The following KLHDC10 variants were observed in gnomAD, a reference collection of about 807,000 sequenced individuals.
The protein encoded by KLHDC10 is kelch domain containing 10.
In KLHDC10, 24 loss-of-function variants were observed where a neutral mutation model predicts 56.1. That is an observed-to-expected ratio of 0.43 (90% CI 0.31 to 0.60). KLHDC10 has a LOEUF of 0.60. KLHDC10 is among the 20% of genes least tolerant of loss of function. The pLI is 0.11. For missense variants in KLHDC10, 349 were observed against 567.0 expected (o/e 0.62, Z 3.91); for synonymous variants, 188 against 207.1 (o/e 0.91, Z 0.79).
intron 1 of KLHDC10, among the ~76,000 whole-genome samples, chr7:130,093,390 A>AT (rs985458321): frequency 7.9e-5 from 12 of 151,442 alleles, no homozygotes; most frequent in African/African-American, 2.7e-4. Context: ...TGCCCAGCTA[A>AT]TTTTTTTTGT....
chr7:130,122,263 G>C, intron 5 of KLHDC10, 61 bp downstream of exon 5: 1 of 1,517,566 alleles, frequency 6.6e-7, no homozygotes, highest in Non-Finnish European at 8.9e-7. Context: ...CTCTTTCAGA[G>C]TGTTGGCAAT....
intron 3 of KLHDC10, chr7:130,117,459 C>T: frequency 6.4e-6 from 1 of 157,374 alleles, no homozygotes; most frequent in Non-Finnish European, 1.4e-5. Context: ...TCAAACCCTG[C>T]CACTGCTTAA....
At chr7:130,128,895 T>A (rs1039919742) in intron 8 of KLHDC10, among the ~76,000 whole-genome samples, 7,076 of 87,768 alleles carry the variant, frequency 0.081, 423 homozygotes, top group African/African-American at 0.15. Context: ...AAAAAATATA[T>A]ATATATATAT....
chr7:130,072,555 A>G (rs1218409225), intron 1 of KLHDC10, among the ~76,000 whole-genome samples: 1 of 152,080 alleles, frequency 6.6e-6, no homozygotes, highest in African/African-American at 2.4e-5. Context: ...CAAAATTGGG[A>G]CACATCTGAT....
chr7:130,125,580 T>C (rs764525921), intron 6 of KLHDC10, among the ~76,000 whole-genome samples: 3 of 152,118 alleles, frequency 2.0e-5, no homozygotes, highest in Non-Finnish European at 4.4e-5. Flanking sequence ...CATGTATGTG[T>C]TTAATTTTCA....
At chr7:130,107,390 A>C (rs1172101512) in intron 2 of KLHDC10, among the ~76,000 whole-genome samples, 1 of 152,350 alleles carries the variant, frequency 6.6e-6, no homozygotes, top group East Asian at 1.9e-4. Flanking sequence ...AGTTCAGAAA[A>C]TTGGCTGGAC....
At chr7:130,106,650 G>C (rs1220012813) in intron 2 of KLHDC10, among the ~76,000 whole-genome samples, 3 of 152,186 alleles carry the variant, frequency 2.0e-5, no homozygotes, top group Non-Finnish European at 4.4e-5. Context: ...GTACCCTTAT[G>C]ACATATATGC....
Position 130,126,071 on chromosome 7 carries a change from A to T in KLHDC10, c.931+140A>T, listed in dbSNP as rs541820778. 300 of 652,890 alleles carry T rather than the reference A, an allele frequency of 4.6e-4. 1 individual carries two copies. Among genetic ancestry groups the T allele is most frequent in the Middle Eastern group, 1.3e-3 (3 of 2,318 alleles). 40.4% of individuals were successfully genotyped at this position (652,890 alleles called of 1,614,324 possible). A position where few individuals can be genotyped will look rare whatever the true frequency, so the allele number is the denominator to read the frequency against. ...GCTGGGCGCATTGTCTCACGCCTATAATCTCAGCACTTTGGGAGGCCAAGG... is the reference window on the plus strand; with the variant it reads ...GCTGGGCGCATTGTCTCACGCCTATTATCTCAGCACTTTGGGAGGCCAAGG... On this transcript the variant is annotated intron_variant, in intron 7 of 9. Coordinates refer to ENST00000335420, the MANE Select transcript of KLHDC10 (RefSeq NM_014997.4).
chr7:130,112,536 G>A (rs1299807543), intron 2 of KLHDC10, among the ~76,000 whole-genome samples: 1 of 152,186 alleles, frequency 6.6e-6, no homozygotes, highest in Non-Finnish European at 1.5e-5. Context: ...TGCAGATGGA[G>A]AAGTTGGGGG....
In KLHDC10 at chr7:130,116,809, A is replaced by T; in HGVS notation, c.475+143A>T. 1 of 669,294 alleles carries T rather than the reference A, an allele frequency of 1.5e-6. No homozygotes were observed. Among genetic ancestry groups the T allele is most frequent in the Non-Finnish European group, 2.6e-6 (1 of 391,508 alleles). The allele number at this position is 669,294 out of a possible 1,614,324, so 41.5% of individuals were successfully genotyped here. The stretch of plus-strand genomic sequence containing the variant: ...GGATAGGCTTTTTACTAGGGTAATA[A>T]CAGTATGGTGATTCCAAATTATTTG... On this transcript the variant is annotated intron_variant, in intron 3 of 9. Transcript: ENST00000335420. This position sits in a 1 kb window ranked among gnomAD's most constrained non-coding sequence, Gnocchi z 4.8.
intron 2 of KLHDC10, among the ~76,000 whole-genome samples, chr7:130,107,407 T>G (rs1434074596): frequency 1.3e-5 from 2 of 152,168 alleles, no homozygotes; most frequent in Admixed American, 1.3e-4. Flanking sequence ...GGACAAAATT[T>G]AAACTTGCAA....
chr7:130,079,398 A>G (rs191899400), intron 1 of KLHDC10, among the ~76,000 whole-genome samples: 1 of 152,226 alleles, frequency 6.6e-6, no homozygotes, highest in African/African-American at 2.4e-5. Context: ...TAAAAAATGT[A>G]TTTTATTAGA....
At chr7:130,094,039 TC>T (rs1437595306) in intron 1 of KLHDC10, among the ~76,000 whole-genome samples, 7 of 152,162 alleles carry the variant, frequency 4.6e-5, no homozygotes, top group Non-Finnish European at 1.0e-4. Flanking sequence ...TTCTCCTGTC[TC>T]AGCCTCCTGA....
At chr7:130,105,629 A>G (rs1795997310) in intron 2 of KLHDC10, among the ~76,000 whole-genome samples, 1 of 152,196 alleles carries the variant, frequency 6.6e-6, no homozygotes, top group Non-Finnish European at 1.5e-5. Flanking sequence ...AAGACAACAG[A>G]TTTTTATGAT....
intron 1 of KLHDC10, among the ~76,000 whole-genome samples, chr7:130,076,866 A>G (rs1256752883): frequency 2.6e-5 from 4 of 151,782 alleles, no homozygotes; most frequent in South Asian, 2.1e-4. Flanking sequence ...CCCTCATTCT[A>G]CTTCCCAGAG....
At chr7:130,122,465 A>G (rs1796261303) in intron 5 of KLHDC10, among the ~76,000 whole-genome samples, 1 of 152,226 alleles carries the variant, frequency 6.6e-6, no homozygotes. Context: ...TTAGGAAGAT[A>G]GTAACACTTT....
intron 1 of KLHDC10, among the ~76,000 whole-genome samples, chr7:130,071,832 A>T (rs956734038): frequency 6.6e-6 from 1 of 152,224 alleles, no homozygotes; most frequent in Non-Finnish European, 1.5e-5. Flanking sequence ...GTTTTTATGA[A>T]TTGTGCTTAA....
chr7:130,127,175 T>C (rs1229949800), intron 7 of KLHDC10, among the ~76,000 whole-genome samples: 3 of 152,232 alleles, frequency 2.0e-5, no homozygotes, highest in African/African-American at 7.2e-5. Context: ...CACTAGCAAC[T>C]CCTGTCCTTT....
In KLHDC10 at chr7:130,116,732, A is replaced by G; in HGVS notation, c.475+66A>G. On this transcript the variant is annotated intron_variant, in intron 3 of 9. Coordinates refer to ENST00000335420, the MANE Select transcript of KLHDC10 (RefSeq NM_014997.4). This position sits in a 1 kb window ranked among gnomAD's most constrained non-coding sequence, Gnocchi z 4.8. Reference sequence around the variant, plus strand: ...TCTGAGAAGCCAGGTTCAATGTCCCATATTCCTCATTAATAATTTATAACA... The same window carrying G: ...TCTGAGAAGCCAGGTTCAATGTCCCGTATTCCTCATTAATAATTTATAACA... 2 of 1,242,202 alleles carry G rather than the reference A, an allele frequency of 1.6e-6. No homozygotes were observed. Among genetic ancestry groups the G allele is most frequent in the Non-Finnish European group, 2.4e-6 (2 of 845,058 alleles). 76.9% of individuals were successfully genotyped at this position (1,242,202 alleles called of 1,614,324 possible).
Sources: gnomAD v4.1 joint callset for allele counts (sites outside exome capture counted in the v4.1 genomes callset) on GRCh38, gnomAD v4.1.1 for gene constraint, Gnocchi (gnomAD v3.1) non-coding constraint, MANE v1.5 for transcripts, NCBI Gene and HGNC (gene_info 2026-07-23, HGNC 2026-07-21) for gene names.